The following RALGAPA1 variants were observed in gnomAD, a reference collection of about 807,000 sequenced individuals.
RALGAPA1 encodes the protein Ral GTPase activating protein catalytic subunit alpha 1.
A neutral mutation model predicts 269.6 loss-of-function variants in RALGAPA1; 52 were observed. The ratio of observed to expected loss-of-function variants is 0.19; its 90% confidence interval spans 0.15 to 0.24. The LOEUF (loss-of-function observed/expected upper bound fraction) is 0.24, where lower values mean the gene tolerates loss of function less well. Ranked by LOEUF, RALGAPA1 falls within the 10% of genes least tolerant of loss-of-function variation. The probability of loss-of-function intolerance (pLI) is 1.00; values close to 1 mark genes in which losing one functional copy is unlikely to be tolerated. For synonymous variants in RALGAPA1, 817 were observed against 1,008.3 expected (o/e 0.81, Z 3.60); for missense variants, 1,917 against 3,013.9 (o/e 0.64, Z 8.52).
chr14:35,581,194 A>G (rs1431903814), intron 37 of RALGAPA1, among the ~76,000 whole-genome samples: 5 of 152,180 alleles, frequency 3.3e-5, no homozygotes, highest in Non-Finnish European at 7.4e-5. Flanking sequence ...TATCAAAAAT[A>G]AAGTGATACT....
intron 39 of RALGAPA1, among the ~76,000 whole-genome samples, chr14:35,557,094 A>ATGTG (rs1489416999): frequency 1.3e-4 from 10 of 78,948 alleles, no homozygotes; most frequent in Non-Finnish European, 2.6e-4. Flanking sequence ...ATTATCCAAT[A>ATGTG]TGTATGTGTG....
At chr14:35,647,058 T>C (rs2062479848) in intron 31 of RALGAPA1, among the ~76,000 whole-genome samples, 1 of 152,212 alleles carries the variant, frequency 6.6e-6, no homozygotes, top group South Asian at 2.1e-4. Context: ...ATTCCAGTCT[T>C]GGCTCTGATA....
intron 33 of RALGAPA1, among the ~76,000 whole-genome samples, chr14:35,634,302 G>T (rs2061536163): frequency 6.6e-6 from 1 of 152,090 alleles, no homozygotes; most frequent in Non-Finnish European, 1.5e-5. Context: ...ATTCCAAAAG[G>T]TGAAAAAATC....
intron 38 of RALGAPA1, among the ~76,000 whole-genome samples, chr14:35,571,212 A>G (rs2057160542): frequency 6.6e-6 from 1 of 152,200 alleles, no homozygotes; most frequent in Admixed American, 6.5e-5. Flanking sequence ...TTGATAATTA[A>G]ATGTTATTTT....
intron 7 of RALGAPA1, among the ~76,000 whole-genome samples, chr14:35,754,829 C>T (rs919672193): frequency 7.9e-5 from 12 of 152,110 alleles, no homozygotes; most frequent in Admixed American, 7.9e-4. Context: ...ACTGGTGCAT[C>T]CCCTACAATG....
At chr14:35,558,254 T>C (rs1250285579) in intron 39 of RALGAPA1, among the ~76,000 whole-genome samples, 2 of 152,208 alleles carry the variant, frequency 1.3e-5, no homozygotes, top group African/African-American at 4.8e-5. Context: ...AATTTATCTT[T>C]AGTGGATTAT....
Position 35,627,446 on chromosome 14 carries a change from A to G in RALGAPA1, c.6501T>C (p.Phe2167=). 1 of 1,613,584 alleles carries G rather than the reference A, an allele frequency of 6.2e-7. No individual in the cohort carries two copies. The highest frequency in any genetic ancestry group is 1.3e-5 in the African/African-American group (1 of 74,994). ...ITVKDGLSLQ[F]KRFRETVPTW... ...TTGGTACAGTTTCTCTAAATCTTTT[A>G]AACTGGAGAGAAAGTCCATCTTTTA... Residue 2167 remains phenylalanine, a synonymous_variant, in exon 34 of 42, where the codon TTT becomes TTC. Transcript: ENST00000680220.
intron 3 of RALGAPA1, among the ~76,000 whole-genome samples, chr14:35,771,250 C>G (rs1253954165): frequency 6.6e-6 from 1 of 151,882 alleles, no homozygotes; most frequent in Non-Finnish European, 1.5e-5. Flanking sequence ...AAAAATTAGC[C>G]AAGTGTGGTG....
At position 35,612,940 on chromosome 14, in the gene RALGAPA1, C is replaced by T. The variant is rs1414174744; in HGVS notation, c.6930-7231G>A. Among the ~76,000 whole-genome samples the T allele has an allele frequency of 4.0e-5, 6 of 151,826 alleles. No homozygotes were observed. The East Asian group carries it at 9.7e-4, about 25-fold the overall frequency. On this transcript the variant is annotated intron_variant, in intron 35 of 41. Coordinates refer to ENST00000680220, the MANE Select transcript of RALGAPA1 (RefSeq NM_001346249.2). ...TAAATTTTTTGTGCTATGAGTGATG[C>T]CATCATGAAAGTGAAATGACAATTT...
rs569785808 is a variant in RALGAPA1, at chr14:35,724,968, A to G, written c.1866+56T>C. On this transcript the variant is annotated intron_variant, in intron 14 of 41. Coordinates refer to ENST00000680220, the MANE Select transcript of RALGAPA1 (RefSeq NM_001346249.2). ...TTAAAAAACAAACAAACAACAAAAC[A>G]AAACAAAACAACCCATATCTATCCA... The G allele has an allele frequency of 8.9e-5, 121 of 1,366,754 alleles. No individual in the cohort carries two copies. The African/African-American group carries it at 1.7e-3, about 19-fold the overall frequency. The allele number at this position is 1,366,754 out of a possible 1,614,324, so 84.7% of individuals were successfully genotyped here.
intron 37 of RALGAPA1, among the ~76,000 whole-genome samples, chr14:35,579,173 G>A (rs144321947): frequency 4.6e-5 from 7 of 152,276 alleles, no homozygotes; most frequent in African/African-American, 1.7e-4. Context: ...AGTAGTAAGT[G>A]TACACAGCCC....
intron 26 of RALGAPA1, among the ~76,000 whole-genome samples, chr14:35,670,161 T>C (rs1361025759): frequency 6.6e-6 from 1 of 152,234 alleles, no homozygotes; most frequent in Non-Finnish European, 1.5e-5. Context: ...CCCTTGAGTA[T>C]ATGCAATTAT....
At chr14:35,654,691 T>C (rs1252875313) in intron 29 of RALGAPA1, among the ~76,000 whole-genome samples, 1 of 152,220 alleles carries the variant, frequency 6.6e-6, no homozygotes, top group Non-Finnish European at 1.5e-5. Context: ...TGTTTGACTG[T>C]CCTCATTAAA....
intron 6 of RALGAPA1, among the ~76,000 whole-genome samples, chr14:35,760,197 T>C (rs2073582643): frequency 6.6e-6 from 1 of 152,196 alleles, no homozygotes; most frequent in Non-Finnish European, 1.5e-5. Context: ...GTATTAACCA[T>C]AGGTTTTTGA....
rs1595442462 is a variant in RALGAPA1, at chr14:35,755,683, C to T, written c.663+1110G>A. Among the ~76,000 whole-genome samples the T allele has an allele frequency of 2.0e-5, 3 of 152,290 alleles. No homozygotes were observed. The South Asian group carries it at 6.2e-4, about 32-fold the overall frequency. ...CACTGTGCACTATTTAGGCCTCATACACCAAAATGGTATTATTTTTATCTC... is the reference window on the plus strand; with the variant it reads ...CACTGTGCACTATTTAGGCCTCATATACCAAAATGGTATTATTTTTATCTC... On this transcript the variant is annotated intron_variant, in intron 7 of 41. Transcript: ENST00000680220.
Position 35,635,487 on chromosome 14 carries a change from A to G in RALGAPA1, c.5788T>C (p.Ser1930Pro). ...ACCTTATAAATGCAATTGAGAACAG[A>G]TTTTTCTGTTTTATCGCTTTCTGCT... Reference protein sequence around the residue: ...TGAESDKTEKSVLNCIYKVLH... With the variant: ...TGAESDKTEKPVLNCIYKVLH... Residue 1930 changes from serine to proline, a missense_variant, in exon 32 of 42, where the codon TCT becomes CCT. Around this residue, in one of 11 missense-constraint regions of RALGAPA1, gnomAD observed 346 missense variants for 566.1 expected, o/e 0.61. Transcript: ENST00000680220. 2 of 1,599,926 alleles carry G rather than the reference A, an allele frequency of 1.3e-6. No homozygotes were observed. The highest frequency in any genetic ancestry group is 1.7e-6 in the Non-Finnish European group (2 of 1,174,788).
chr14:35,660,775 C>T (rs2063490376), intron 27 of RALGAPA1, among the ~76,000 whole-genome samples: 1 of 152,022 alleles, frequency 6.6e-6, no homozygotes, highest in African/African-American at 2.4e-5. Flanking sequence ...AAATAGAATA[C>T]CACTCAGCCT....
chr14:35,600,975 G>A (rs1166874155), intron 36 of RALGAPA1, among the ~76,000 whole-genome samples: 1 of 152,210 alleles, frequency 6.6e-6, no homozygotes, highest in Non-Finnish European at 1.5e-5. Flanking sequence ...CGGGAAAAGA[G>A]CAGAGAATCA....
intron 39 of RALGAPA1, among the ~76,000 whole-genome samples, chr14:35,559,078 T>C (rs1032581294): frequency 6.6e-6 from 1 of 152,182 alleles, no homozygotes; most frequent in African/African-American, 2.4e-5. Flanking sequence ...ACAATTGGCA[T>C]GAACAGATGG....
Sources: gnomAD v4.1 joint callset for allele counts (sites outside exome capture counted in the v4.1 genomes callset) on GRCh38, gnomAD v4.1.1 for gene constraint, gnomAD v4.1.1 regional missense constraint, MANE v1.5 for transcripts, NCBI Gene and HGNC (gene_info 2026-07-23, HGNC 2026-07-21) for gene names.